CUX1: variants seen among roughly 807,000 people sequenced by gnomAD.
CUX1 encodes protein CASP.
Under a neutral mutation model 158.8 loss-of-function variants are expected in CUX1, and 31 were observed. That is an observed-to-expected ratio of 0.20 (90% CI 0.15 to 0.26). The LOEUF (loss-of-function observed/expected upper bound fraction) is 0.26, where lower values mean the gene tolerates loss of function less well. Ranked by LOEUF, CUX1 falls within the 10% of genes least tolerant of loss-of-function variation. The pLI, the probability that CUX1 is intolerant of heterozygous loss-of-function variation, is 1.00. For synonymous variants in CUX1, 879 were observed against 862.1 expected (o/e 1.02, Z -0.34); for missense variants, 1,589 against 2,014.6 (o/e 0.79, Z 4.04).
rs535634962 is a variant in CUX1 at position 101,999,751 on chromosome 7, G to A, written c.142-28347G>A. ...TGCCCCATACACAGTTGGGCTGCTT[G>A]GTTTAAGATTATGGATGAATGTACT... On this transcript the variant is annotated intron_variant, in intron 2 of 23. Coordinates refer to ENST00000292535, the MANE Select transcript of CUX1 (RefSeq NM_181552.4). Among the ~76,000 whole-genome samples the A allele has an allele frequency of 5.9e-5, 9 of 152,268 alleles. No homozygotes were observed. In the East Asian group the frequency reaches 1.5e-3, roughly 26 times the overall value.
At position 102,202,027 on chromosome 7, in the gene CUX1, C is replaced by A; in HGVS notation, c.2730C>A (p.Pro910=). 1.1e-5 allele frequency: 17 copies of A among 1,614,080 alleles called. No homozygotes were observed. Among genetic ancestry groups the A allele is most frequent in the Non-Finnish European group, 1.4e-5 (17 of 1,179,994 alleles). ...ASRSETPQNS[P]LPSSPIVPMS... ...GCAGCGAGACACCACAGAACAGCCC[C>A]CTGCCATCCTCCCCGATCGTGCCCA... The change falls in exon 18 of 24, where the codon CCC becomes CCA. Residue 910 remains proline, a synonymous_variant. Coordinates refer to ENST00000292535, the MANE Select transcript of CUX1 (RefSeq NM_181552.4).
chr7:102,232,390 A>G, intron 21 of CUX1, among the ~76,000 whole-genome samples: 1 of 152,168 alleles, frequency 6.6e-6, no homozygotes, highest in East Asian at 1.9e-4. Flanking sequence ...GTAAACTTTT[A>G]CTTGGAGGCC....
At position 102,187,307 on chromosome 7, in the gene CUX1, C is replaced by A. The variant is rs540563313; in HGVS notation, c.1018-2506C>A. Among the ~76,000 whole-genome samples the A allele has an allele frequency of 2.6e-5, 4 of 151,882 alleles. No individual in the cohort carries two copies. In the East Asian group the frequency reaches 5.8e-4, roughly 22 times the overall value. On this transcript the variant is annotated intron_variant, in intron 11 of 23. Coordinates refer to ENST00000292535, the MANE Select transcript of CUX1 (RefSeq NM_181552.4). ...CCCAGGAGTTCAAGACCAGCCTGGGCAACATAGTGTGACCTCGTCACTACA... is the reference window on the plus strand; with the variant it reads ...CCCAGGAGTTCAAGACCAGCCTGGGAAACATAGTGTGACCTCGTCACTACA...
At chr7:102,055,423 T>C (rs552827303) in intron 3 of CUX1, among the ~76,000 whole-genome samples, 2 of 152,334 alleles carry the variant, frequency 1.3e-5, no homozygotes, top group South Asian at 4.1e-4. Context: ...TCCTTTCTCT[T>C]TGTCACACTT....
At chr7:102,281,989 G>T in intron 21 of CUX1, 1 of 1,099,512 alleles carries the variant, frequency 9.1e-7, no homozygotes, top group South Asian at 1.2e-5. Context: ...GGGCAGCAGG[G>T]GCCTGTTACG....
intron 1 of CUX1, among the ~76,000 whole-genome samples, chr7:101,904,332 A>G (rs553715744): frequency 6.6e-6 from 1 of 152,080 alleles, no homozygotes; most frequent in East Asian, 1.9e-4. Flanking sequence ...TTATATACTG[A>G]GAAATTTTGT....
intron 8 of CUX1, among the ~76,000 whole-genome samples, chr7:102,149,438 C>T (rs1000514516): frequency 2.2e-5 from 3 of 134,898 alleles, no homozygotes; most frequent in Non-Finnish European, 3.1e-5. Context: ...CCCTGCTGAG[C>T]TCCTAGGATG....
chr7:102,094,586 G>T (rs1259483032), intron 4 of CUX1, among the ~76,000 whole-genome samples: 2 of 152,162 alleles, frequency 1.3e-5, no homozygotes, highest in South Asian at 2.1e-4. Context: ...CTTTTGAAAA[G>T]AATGAACTGG....
At chr7:102,216,098 G>C (rs1280447213) in intron 20 of CUX1, among the ~76,000 whole-genome samples, 2 of 152,232 alleles carry the variant, frequency 1.3e-5, no homozygotes, top group African/African-American at 4.8e-5. Context: ...GAGGCCGGGA[G>C]TTTGAGACCA....
At chr7:101,825,404 A>G (rs1336022704) in intron 1 of CUX1, among the ~76,000 whole-genome samples, 1 of 152,190 alleles carries the variant, frequency 6.6e-6, no homozygotes, top group Non-Finnish European at 1.5e-5. Flanking sequence ...TTTCTGCTCC[A>G]TGGGATCCAG....
At chr7:101,833,994 C>A (rs996653992) in intron 1 of CUX1, among the ~76,000 whole-genome samples, 1 of 152,010 alleles carries the variant, frequency 6.6e-6, no homozygotes, top group Non-Finnish European at 1.5e-5. Context: ...TGATCCTGTC[C>A]TACCCTGTGC....
At chr7:101,816,267 C>G (rs1023545700), upstream of CUX1, among the ~76,000 whole-genome samples, 1 of 145,146 alleles carries the variant, frequency 6.9e-6, no homozygotes, top group African/African-American at 2.5e-5. Context: ...CGCTCCCCGG[C>G]CCCCATTGAT....
chr7:101,999,217 CTTT>C (rs3988167), intron 2 of CUX1, among the ~76,000 whole-genome samples: 23 of 85,838 alleles, frequency 2.7e-4, no homozygotes, highest in East Asian at 5.3e-4. Flanking sequence ...TTTTTTTTAC[CTTT>C]TTTTTTTTTT....
rs368154758 is a variant in CUX1, at chr7:102,066,196, ATCT to A, written c.190-4135_190-4133del. Among the ~76,000 whole-genome samples, 156 of 152,146 alleles carry A rather than the reference ATCT, an allele frequency of 1.0e-3. 1 individual carries two copies. The highest frequency in any genetic ancestry group is 3.5e-3 in the African/African-American group (145 of 41,518). On this transcript the variant is annotated intron_variant, in intron 3 of 23. Transcript: ENST00000292535. ...CCCAGCTTCTGGTGGTTTCCTGGTCATCTTCTTCTTTGTAGATCATCAGCCCAG... is the reference window on the plus strand; with the variant it reads ...CCCAGCTTCTGGTGGTTTCCTGGTCATCTTCTTTGTAGATCATCAGCCCAG...
chr7:102,107,395 C>T (rs1193122219), intron 6 of CUX1, among the ~76,000 whole-genome samples: 3 of 151,990 alleles, frequency 2.0e-5, no homozygotes, highest in Non-Finnish European at 4.4e-5. Flanking sequence ...ACAAAATAAG[C>T]CAGGCGTGGT....
At chr7:101,825,456 C>T (rs1793146630) in intron 1 of CUX1, among the ~76,000 whole-genome samples, 1 of 152,162 alleles carries the variant, frequency 6.6e-6, no homozygotes, top group African/African-American at 2.4e-5. Flanking sequence ...CACAAGGTGG[C>T]CAGGGCCCTT....
intron 8 of CUX1, among the ~76,000 whole-genome samples, chr7:102,141,686 A>G (rs1452382022): frequency 1.3e-5 from 2 of 152,056 alleles, no homozygotes; most frequent in African/African-American, 4.8e-5. Context: ...GCAGTGGCAC[A>G]ATCTTGGCTC....
rs370878244 is a variant in CUX1, at chr7:102,168,882, GCTTTT to G, written c.724-1538_724-1534del. Among the ~76,000 whole-genome samples, 480 of 144,336 alleles carry G rather than the reference GCTTTT, an allele frequency of 3.3e-3. 5 individuals carry two copies. Among genetic ancestry groups the G allele is most frequent in the East Asian group, 0.021 (105 of 5,080 alleles). 94.7% of individuals were successfully genotyped at this position (144,336 alleles called of 152,430 possible). A position where few individuals can be genotyped will look rare whatever the true frequency, so the allele number is the denominator to read the frequency against. On this transcript the variant is annotated intron_variant, in intron 9 of 23. Transcript: ENST00000292535. ...CACGATGGAGACGCTGCTTGGCCAG[GCTTTT>G]CTTTTCTTTTCTTTTCTTTTCTTTT...
downstream of CUX1, among the ~76,000 whole-genome samples, chr7:102,263,042 C>G (rs1276520616): frequency 7.6e-6 from 1 of 131,962 alleles, no homozygotes; most frequent in Admixed American, 8.7e-5. Context: ...GAGATGAAGT[C>G]TTACTCTGTT....
Sources: gnomAD v4.1 joint callset for allele counts (sites outside exome capture counted in the v4.1 genomes callset) on GRCh38, gnomAD v4.1.1 for gene constraint, MANE v1.5 for transcripts, NCBI Gene and HGNC (gene_info 2026-07-23, HGNC 2026-07-21) for gene names.